The following C9 variants were observed in gnomAD, a reference collection of about 807,000 sequenced individuals.
C9 encodes complement C9.
C9 carries 63 observed loss-of-function variants against 65.4 expected under a neutral mutation model. The observed-to-expected ratio is 0.96, with a 90% confidence interval of 0.79 to 1.19. C9 has a LOEUF of 1.19. C9 is among the 50% of genes most tolerant of loss of function. The pLI is 0.00. For synonymous variants in C9, 229 were observed against 227.9 expected (o/e 1.00, Z -0.04); for missense variants, 744 against 670.1 (o/e 1.11, Z -1.22).
intron 9 of C9, among the ~76,000 whole-genome samples, chr5:39,295,446 A>T (rs1340108519): frequency 6.6e-6 from 1 of 151,802 alleles, no homozygotes; most frequent in Non-Finnish European, 1.5e-5. Context: ...CAAAAAGTCA[A>T]TACCATTTAC....
At chr5:39,348,144 G>C (rs1487895285) in intron 1 of C9, among the ~76,000 whole-genome samples, 1 of 151,960 alleles carries the variant, frequency 6.6e-6, no homozygotes, top group Non-Finnish European at 1.5e-5. Flanking sequence ...CAAAAGCAAT[G>C]GCAACAAAAG....
intron 1 of C9, among the ~76,000 whole-genome samples, chr5:39,360,076 T>A (rs1041742889): frequency 1.2e-4 from 18 of 152,334 alleles, no homozygotes; most frequent in African/African-American, 4.3e-4. Context: ...TTGTTAGATA[T>A]CCAAAACTTT....
At chr5:39,311,081 A>C in intron 7 of C9, 56 bp downstream of exon 7, 1 of 1,593,260 alleles carries the variant, frequency 6.3e-7, no homozygotes. Flanking sequence ...GTTGGTGAAC[A>C]AAATAATGTT....
Position 39,284,996 on chromosome 5 carries a change from C to T in C9, c.*203G>A. 1.9e-6 allele frequency: 1 copy of T among 531,782 alleles called. No homozygotes were observed. Among genetic ancestry groups the T allele is most frequent in the South Asian group, 2.9e-5 (1 of 33,950 alleles). The allele number at this position is 531,782 out of a possible 1,614,324, so 32.9% of individuals were successfully genotyped here. A position where few individuals can be genotyped will look rare whatever the true frequency, so the allele number is the denominator to read the frequency against. On this transcript the variant is annotated 3_prime_UTR_variant, in exon 11 of 11. Transcript: ENST00000263408. The stretch of plus-strand genomic sequence containing the variant: ...TCACTGTTGACTTCTCATTAGGGAA[C>T]AAAAAATGGAAACATCACAGGAGTT...
intron 1 of C9, among the ~76,000 whole-genome samples, chr5:39,362,296 G>A (rs1474134990): frequency 6.6e-6 from 1 of 152,108 alleles, no homozygotes; most frequent in Admixed American, 6.5e-5. Context: ...AATATGACTG[G>A]TGTCCTTTTA....
At chr5:39,344,447 T>A (rs904160916) in intron 1 of C9, among the ~76,000 whole-genome samples, 7 of 152,000 alleles carry the variant, frequency 4.6e-5, no homozygotes, top group African/African-American at 1.7e-4. Flanking sequence ...ATGAATGAAA[T>A]GAAGTGAGAA....
At chr5:39,298,220 A>G (rs1561333591) in intron 9 of C9, among the ~76,000 whole-genome samples, 2 of 151,722 alleles carry the variant, frequency 1.3e-5, no homozygotes, top group Admixed American at 6.6e-5. Context: ...CAAGAAAAAA[A>G]TATCTAAAAT....
At chr5:39,358,303 T>A (rs1190471464) in intron 1 of C9, among the ~76,000 whole-genome samples, 1 of 151,982 alleles carries the variant, frequency 6.6e-6, no homozygotes, top group Non-Finnish European at 1.5e-5. Flanking sequence ...TCTGTGAGGG[T>A]CTGGATAAAG....
intron 7 of C9, among the ~76,000 whole-genome samples, chr5:39,309,649 C>G (rs1173403008): frequency 6.6e-6 from 1 of 152,174 alleles, no homozygotes; most frequent in Non-Finnish European, 1.5e-5. Context: ...GATTCTCTGC[C>G]TTAGCAGTGG....
chr5:39,359,197 C>T (rs1318942538), intron 1 of C9, among the ~76,000 whole-genome samples: 1 of 149,148 alleles, frequency 6.7e-6, no homozygotes, highest in Non-Finnish European at 1.5e-5. Context: ...GTATGATTCC[C>T]AGGTTTTAAT....
intron 1 of C9, among the ~76,000 whole-genome samples, chr5:39,349,837 T>A (rs1395413606): frequency 3.9e-5 from 6 of 152,228 alleles, no homozygotes; most frequent in African/African-American, 1.4e-4. Flanking sequence ...ACTCCTACTC[T>A]TTTATGCAGG....
intron 9 of C9, among the ~76,000 whole-genome samples, chr5:39,292,686 T>A (rs904000409): frequency 6.6e-6 from 1 of 151,608 alleles, no homozygotes; most frequent in Non-Finnish European, 1.5e-5. Context: ...TAAAAATATG[T>A]ATGTAAAATA....
In C9 at chr5:39,328,514, G is replaced by C. The variant is rs147056074; in HGVS notation, c.615+3162C>G. Among the ~76,000 whole-genome samples, 4 of 152,286 alleles carry C rather than the reference G, an allele frequency of 2.6e-5. No individual in the cohort carries two copies. The East Asian group carries it at 5.8e-4, about 22-fold the overall frequency. ...GCAGTGTAAGTTTACAAGTAGGGCA[G>C]AAAACAATAAGGTTCATGCCAAATC... On this transcript the variant is annotated intron_variant, in intron 5 of 10. Coordinates refer to ENST00000263408, the MANE Select transcript of C9 (RefSeq NM_001737.5).
At chr5:39,307,239 C>A (rs1245242702) in intron 8 of C9, among the ~76,000 whole-genome samples, 2 of 152,318 alleles carry the variant, frequency 1.3e-5, no homozygotes, top group Non-Finnish European at 2.9e-5. Context: ...TTTCTTTCCA[C>A]TCCCAAATCC....
intron 5 of C9, among the ~76,000 whole-genome samples, chr5:39,324,542 G>C (rs1466403895): frequency 6.6e-6 from 1 of 152,156 alleles, no homozygotes; most frequent in East Asian, 1.9e-4. Flanking sequence ...TATCAATTAG[G>C]ATGTTGTTGA....
intron 9 of C9, among the ~76,000 whole-genome samples, chr5:39,295,603 A>G (rs555764245): frequency 1.3e-5 from 2 of 151,868 alleles, no homozygotes; most frequent in East Asian, 1.9e-4. Context: ...TACCAAAAAC[A>G]ATCTACAGAT....
chr5:39,337,080 C>T (rs899347646), intron 4 of C9, among the ~76,000 whole-genome samples: 1 of 151,810 alleles, frequency 6.6e-6, no homozygotes, highest in Non-Finnish European at 1.5e-5. Context: ...TTTAAAAAAG[C>T]AAGAAAGGAG....
Position 39,342,139 on chromosome 5 carries a change from C to T in C9, c.135G>A (p.Met45Ile), listed in dbSNP as rs751263411. 5.6e-6 allele frequency: 9 copies of T among 1,611,268 alleles called. 1 individual carries two copies. In the South Asian group the frequency reaches 9.9e-5, roughly 18 times the overall value. The change falls in exon 2 of 11, where the codon ATG becomes ATA. Residue 45 changes from methionine (M) to isoleucine (I), a missense_variant. Coordinates refer to ENST00000263408, the MANE Select transcript of C9 (RefSeq NM_001737.5). ...SGSASHIDCR[M>I]SPWSEWSQCD... ...ATTGTGACCATTCACTCCAGGGGCT[C>T]ATTCTGCAGTCTATGTGTGATGCAG...
chr5:39,310,930 G>A (rs1029614628), intron 7 of C9, among the ~76,000 whole-genome samples: 1 of 152,186 alleles, frequency 6.6e-6, no homozygotes, highest in African/African-American at 2.4e-5. Flanking sequence ...GTTGAGTAGA[G>A]TATGACCAAG....
Sources: gnomAD v4.1 joint callset for allele counts (sites outside exome capture counted in the v4.1 genomes callset) on GRCh38, gnomAD v4.1.1 for gene constraint, MANE v1.5 for transcripts, NCBI Gene and HGNC (gene_info 2026-07-23, HGNC 2026-07-21) for gene names.